ABTB2: variants seen among roughly 807,000 people sequenced by gnomAD.
The protein encoded by ABTB2 is ankyrin repeat and BTB/POZ domain-containing protein 2.
ABTB2 carries 56 observed loss-of-function variants against 104.1 expected under a neutral mutation model. The ratio of observed to expected loss-of-function variants is 0.54; its 90% CI spans 0.43 to 0.67. The LOEUF (loss-of-function observed/expected upper bound fraction) is 0.67, where lower values mean the gene tolerates loss of function less well. ABTB2 is among the 30% of genes least tolerant of loss of function. The pLI is 0.00. For missense variants in ABTB2, 1,279 were observed against 1,407.7 expected (o/e 0.91, Z 1.46); for synonymous variants, 606 against 608.2 (o/e 1.00, Z 0.05).
chr11:34,173,902 A>G (rs1031728023), intron 3 of ABTB2, among the ~76,000 whole-genome samples: 1 of 152,176 alleles, frequency 6.6e-6, no homozygotes, highest in African/African-American at 2.4e-5. Flanking sequence ...GGCTGTCATG[A>G]GGCCAAATGG....
At chr11:34,341,395 C>A (rs1363338679) in intron 1 of ABTB2, among the ~76,000 whole-genome samples, 3 of 152,174 alleles carry the variant, frequency 2.0e-5, no homozygotes, top group Non-Finnish European at 4.4e-5. Flanking sequence ...TTCTGAGAAG[C>A]TGGGGAATGG....
At chr11:34,230,526 C>T (rs1853754876) in intron 1 of ABTB2, among the ~76,000 whole-genome samples, 1 of 152,190 alleles carries the variant, frequency 6.6e-6, no homozygotes, top group African/African-American at 2.4e-5. Context: ...GGAACAAGGA[C>T]ATGGACGGGG....
intron 1 of ABTB2, among the ~76,000 whole-genome samples, chr11:34,223,287 G>A (rs546216810): frequency 9.9e-5 from 15 of 152,206 alleles, no homozygotes; most frequent in African/African-American, 3.4e-4. Context: ...CAAAGAGGCA[G>A]CCCCATCGGT....
intron 1 of ABTB2, among the ~76,000 whole-genome samples, chr11:34,206,589 T>G (rs1853410166): frequency 6.6e-6 from 1 of 152,158 alleles, no homozygotes; most frequent in Non-Finnish European, 1.5e-5. Context: ...TCACCAAAGC[T>G]CACTCATGGC....
intron 1 of ABTB2, among the ~76,000 whole-genome samples, chr11:34,297,446 T>G (rs1854634856): frequency 6.6e-6 from 1 of 152,134 alleles, no homozygotes; most frequent in South Asian, 2.1e-4. Flanking sequence ...TCTACCCAAT[T>G]TTTATCATCT....
chr11:34,198,034 G>C (rs1590214178), intron 2 of ABTB2, among the ~76,000 whole-genome samples: 1 of 152,198 alleles, frequency 6.6e-6, no homozygotes, highest in Non-Finnish European at 1.5e-5. Flanking sequence ...ACCTGTTGAG[G>C]ACTCACTATG....
chr11:34,177,482 T>C (rs994672561), intron 3 of ABTB2, among the ~76,000 whole-genome samples: 10 of 152,148 alleles, frequency 6.6e-5, no homozygotes, highest in African/African-American at 2.2e-4. Context: ...ATTTGGTAAG[T>C]GAATGGGAGG....
chr11:34,250,935 C>T (rs1278866988), intron 1 of ABTB2, among the ~76,000 whole-genome samples: 1 of 152,156 alleles, frequency 6.6e-6, no homozygotes, highest in African/African-American at 2.4e-5. Context: ...GTAACTTGCC[C>T]AAGGAAGCAC....
intron 11 of ABTB2, 32 bp from the exon 12 acceptor site, chr11:34,160,385 G>A: frequency 1.3e-6 from 2 of 1,511,840 alleles, no homozygotes; most frequent in African/African-American, 1.4e-5. Flanking sequence ...CCTGTGAGCT[G>A]CCCGCTGTGG....
At chr11:34,152,757 T>A (rs1406127523) in intron 16 of ABTB2, among the ~76,000 whole-genome samples, 173 bp from the exon 17 acceptor site, 2 of 152,136 alleles carry the variant, frequency 1.3e-5, no homozygotes, top group African/African-American at 2.4e-5. Flanking sequence ...TCTGAACTGT[T>A]CAGCCCCCGT....
intron 1 of ABTB2, among the ~76,000 whole-genome samples, chr11:34,304,853 G>T (rs545437892): frequency 1.9e-4 from 29 of 152,338 alleles, no homozygotes; most frequent in Admixed American, 5.2e-4. Context: ...GGCTGACATG[G>T]TGTAGGAGTT....
In ABTB2 at chr11:34,154,620, C is replaced by T; in HGVS notation, c.2766+81G>A. On this transcript the variant is annotated intron_variant, in intron 15 of 16. Transcript: ENST00000435224. This position sits in a 1 kb window ranked among gnomAD's most constrained non-coding sequence, Gnocchi z 4.9. Reference sequence around the variant, plus strand: ...CTGTCAGATGGAGAGGAAGAGCCACCTTCCCTCTGAAGGGGGTGAATGGGA... The same window carrying T: ...CTGTCAGATGGAGAGGAAGAGCCACTTTCCCTCTGAAGGGGGTGAATGGGA... The T allele has an allele frequency of 7.1e-7, 1 of 1,409,584 alleles. No homozygotes were observed. The highest frequency in any genetic ancestry group is 1.2e-5 in the South Asian group (1 of 84,170). The allele number at this position is 1,409,584 out of a possible 1,614,324, so 87.3% of individuals were successfully genotyped here. A position where few individuals can be genotyped will look rare whatever the true frequency, so the allele number is the denominator to read the frequency against.
intron 1 of ABTB2, among the ~76,000 whole-genome samples, chr11:34,205,681 A>AT (rs1429882290): frequency 7.9e-5 from 12 of 152,238 alleles, no homozygotes; most frequent in Non-Finnish European, 1.5e-4. Flanking sequence ...ATTCCTAGAG[A>AT]TAACTGGAGA....
At chr11:34,285,785 G>C (rs568368810) in intron 1 of ABTB2, among the ~76,000 whole-genome samples, 1 of 152,136 alleles carries the variant, frequency 6.6e-6, no homozygotes, top group African/African-American at 2.4e-5. Context: ...GGGAAGAGAT[G>C]CCCAGGTTAC....
At chr11:34,299,919 G>A (rs2180949) in intron 1 of ABTB2, among the ~76,000 whole-genome samples, 39,246 of 152,046 alleles carry the variant, frequency 0.26, 5,250 homozygotes, top group South Asian at 0.39. Context: ...TTTCATCTCC[G>A]TAAAATGGGA....
At chr11:34,340,542 T>C (rs970652976) in intron 1 of ABTB2, among the ~76,000 whole-genome samples, 1 of 152,180 alleles carries the variant, frequency 6.6e-6, no homozygotes. Context: ...CAAATATCTT[T>C]TCAGAAGGAT....
chr11:34,162,845 C>A, intron 9 of ABTB2, 40 bp from the exon 10 acceptor site: 2 of 1,549,776 alleles, frequency 1.3e-6, no homozygotes, highest in Admixed American at 1.8e-5. Context: ...GGCTGAAGTC[C>A]CACAGGCAGT....
chr11:34,343,216 G>C (rs1248219920), intron 1 of ABTB2, among the ~76,000 whole-genome samples: 2 of 152,092 alleles, frequency 1.3e-5, no homozygotes, highest in South Asian at 2.1e-4. Context: ...GTGTTCTTTG[G>C]TGATCCCTCT....
intron 1 of ABTB2, among the ~76,000 whole-genome samples, chr11:34,338,483 G>A (rs1320130670): frequency 1.3e-5 from 2 of 151,608 alleles, no homozygotes; most frequent in East Asian, 3.9e-4. Flanking sequence ...GATCACTTGA[G>A]GTTAAGAGTT....
Sources: allele counts gnomAD v4.1 joint callset (sites outside exome capture counted in the v4.1 genomes callset), GRCh38; gene constraint gnomAD v4.1.1; non-coding constraint Gnocchi (gnomAD v3.1); transcripts MANE v1.5; gene names NCBI Gene and HGNC (gene_info 2026-07-23, HGNC 2026-07-21).